NAPEPLD: variants seen among roughly 807,000 people sequenced by gnomAD.
The protein encoded by NAPEPLD is N-acyl-phosphatidylethanolamine-hydrolyzing phospholipase D.
Under a neutral mutation model 38.1 loss-of-function variants are expected in NAPEPLD, and 23 were observed. The observed-to-expected ratio is 0.60, with a 90% CI of 0.43 to 0.86. The LOEUF (loss-of-function observed/expected upper bound fraction) is 0.86, where lower values mean the gene tolerates loss of function less well. Ranked by LOEUF, NAPEPLD falls within the 40% of genes least tolerant of loss-of-function variation. The pLI, the probability that NAPEPLD is intolerant of heterozygous loss-of-function variation, is 0.00. For synonymous variants in NAPEPLD, 147 were observed against 162.0 expected (o/e 0.91, Z 0.71); for missense variants, 411 against 476.8 (o/e 0.86, Z 1.28).
At chr7:103,138,258 A>G (rs1249230329) in intron 1 of NAPEPLD, among the ~76,000 whole-genome samples, 1 of 144,032 alleles carries the variant, frequency 6.9e-6, no homozygotes, top group African/African-American at 2.5e-5. Flanking sequence ...AAAGCTTCCA[A>G]AATGGGACTA....
At chr7:103,149,596 C>A, upstream of NAPEPLD, 1 of 831,062 alleles carries the variant, frequency 1.2e-6, no homozygotes, top group South Asian at 1.7e-5. Flanking sequence ...GATGGCCGCC[C>A]CTGTGGGCCG....
chr7:103,103,205 T>C lies in NAPEPLD; in HGVS notation c.*224A>G. ...CATGATATGAAATTTAAAATCCACA[T>C]TAGCCAATTCATTATTTAAATGACC... On this transcript the variant is annotated 3_prime_UTR_variant, in exon 5 of 5. Transcript: ENST00000465647. 5.8e-6 allele frequency: 2 copies of C among 342,978 alleles called. No homozygotes were observed. The highest frequency in any genetic ancestry group is 1.0e-5 in the Non-Finnish European group (2 of 192,066). 21.2% of individuals were successfully genotyped at this position (342,978 alleles called of 1,614,324 possible).
intron 1 of NAPEPLD, chr7:103,148,099 A>G: frequency 1.0e-6 from 1 of 984,626 alleles, no homozygotes; most frequent in Non-Finnish European, 1.2e-6. Flanking sequence ...TTCATAACCA[A>G]TGTAACTGAA....
At chr7:103,122,651 G>A (rs1283501755) in intron 2 of NAPEPLD, among the ~76,000 whole-genome samples, 1 of 152,122 alleles carries the variant, frequency 6.6e-6, no homozygotes, top group East Asian at 1.9e-4. Flanking sequence ...ATAGAATTAC[G>A]AGTGGCTGGG....
chr7:103,103,559 C>A lies in NAPEPLD; in HGVS notation c.1057-5G>T. On this transcript the variant is annotated splice_polypyrimidine_tract_variant and splice_region_variant and intron_variant, in intron 4 of 4. Transcript: ENST00000465647. ...CACTGGAGGCTCTAAGTAATGCTGG[C>A]CAAAGAGAAAGAAGAAAAATAGAAA... 2 of 1,565,016 alleles carry A rather than the reference C, an allele frequency of 1.3e-6. No homozygotes were observed. Among genetic ancestry groups the A allele is most frequent in the South Asian group, 1.2e-5 (1 of 80,564 alleles).
intron 1 of NAPEPLD, among the ~76,000 whole-genome samples, chr7:103,130,591 T>C (rs1364941482): frequency 2.0e-5 from 3 of 152,048 alleles, no homozygotes; most frequent in South Asian, 2.1e-4. Flanking sequence ...TACATCTAAA[T>C]TGTTTATTTT....
intron 1 of NAPEPLD, among the ~76,000 whole-genome samples, chr7:103,138,571 C>T (rs1217679428): frequency 1.3e-5 from 2 of 151,278 alleles, no homozygotes; most frequent in South Asian, 2.1e-4. Flanking sequence ...CAGGTTCAAA[C>T]GATTCTCCTG....
chr7:103,116,059 T>A (rs1320240744), intron 3 of NAPEPLD, among the ~76,000 whole-genome samples: 1 of 24,090 alleles, frequency 4.2e-5, no homozygotes, highest in African/African-American at 4.5e-5. Context: ...GTTTTTTCTT[T>A]TTTTCTTTTT....
chr7:103,135,631 A>C (rs1041028250), intron 1 of NAPEPLD, among the ~76,000 whole-genome samples: 1 of 152,212 alleles, frequency 6.6e-6, no homozygotes, highest in Non-Finnish European at 1.5e-5. Flanking sequence ...AACAAAGCAA[A>C]CAGAAGCTTA....
chr7:103,112,768 T>C (rs1409244918), intron 4 of NAPEPLD, among the ~76,000 whole-genome samples: 1 of 151,104 alleles, frequency 6.6e-6, no homozygotes, highest in Non-Finnish European at 1.5e-5. Context: ...AAAAAAGAAG[T>C]AAAGGGTAAC....
intron 4 of NAPEPLD, among the ~76,000 whole-genome samples, chr7:103,105,145 G>T (rs1180196294): frequency 6.6e-6 from 1 of 152,148 alleles, no homozygotes; most frequent in Non-Finnish European, 1.5e-5. Flanking sequence ...GGTCTGAAAG[G>T]CTTCTGAGTG....
chr7:103,149,239 G>A, upstream of NAPEPLD: 1 of 995,818 alleles, frequency 1.0e-6, no homozygotes, highest in Non-Finnish European at 1.2e-6. Flanking sequence ...CGGGCGCGCG[G>A]CCAGAGCGGC....
chr7:103,108,256 C>T (rs922444735), intron 4 of NAPEPLD, among the ~76,000 whole-genome samples: 2 of 151,822 alleles, frequency 1.3e-5, no homozygotes, highest in Admixed American at 1.3e-4. Flanking sequence ...AGTTTTCCAG[C>T]CTCAGCCTCC....
intron 1 of NAPEPLD, among the ~76,000 whole-genome samples, chr7:103,144,369 C>G (rs919957184): frequency 6.6e-6 from 1 of 152,180 alleles, no homozygotes; most frequent in Admixed American, 6.5e-5. Context: ...TCAATAAATA[C>G]TAGTTCTCTT....
chr7:103,108,199 G>A (rs2129526919), intron 4 of NAPEPLD, among the ~76,000 whole-genome samples: 1 of 147,042 alleles, frequency 6.8e-6, no homozygotes, highest in East Asian at 2.0e-4. Flanking sequence ...TTGGAGTGCA[G>A]TGGTGCAGTC....
At chr7:103,147,728 T>C (rs1812863781) in intron 1 of NAPEPLD, among the ~76,000 whole-genome samples, 1 of 152,232 alleles carries the variant, frequency 6.6e-6, no homozygotes, top group Non-Finnish European at 1.5e-5. Context: ...TAGAATTTTG[T>C]AACATAGAAT....
At position 103,120,064 on chromosome 7, in the gene NAPEPLD, A is replaced by C. The variant is rs12540583; in HGVS notation, c.454T>G (p.Ser152Ala). 188,131 of 1,614,080 alleles carry C rather than the reference A, an allele frequency of 0.12. 12,718 individuals carry two copies. The highest frequency in any genetic ancestry group is 0.3 in the East Asian group (13,554 of 44,868). The change falls in exon 3 of 5, where the codon TCT becomes GCT. Residue 152 changes from serine to alanine, a missense_variant. Ser to Ala is a moderately conservative substitution (Grantham distance 99). Transcript: ENST00000465647. ...ATGTACTGCGATGGTGAAGCACGAG[A>C]GCTAAAGATGGGATCCGTGAGAAAT... ...LIFLTDPIFSSRASPSQYMGP... is the reference protein window; with the variant it reads ...LIFLTDPIFSARASPSQYMGP...
intron 1 of NAPEPLD, among the ~76,000 whole-genome samples, chr7:103,145,852 T>C (rs1317732818): frequency 6.6e-6 from 1 of 151,152 alleles, no homozygotes; most frequent in Non-Finnish European, 1.5e-5. Flanking sequence ...CATTTTACTT[T>C]ATGTGGGGTA....
At chr7:103,149,864 ATACT>A (rs998236676), upstream of NAPEPLD, among the ~76,000 whole-genome samples, 1 of 152,214 alleles carries the variant, frequency 6.6e-6, no homozygotes, top group African/African-American at 2.4e-5. Context: ...AAGCATTTGA[ATACT>A]TACAGCCTAT....
Sources: gnomAD v4.1 joint callset for allele counts (sites outside exome capture counted in the v4.1 genomes callset) on GRCh38, gnomAD v4.1.1 for gene constraint, MANE v1.5 for transcripts, NCBI Gene and HGNC (gene_info 2026-07-23, HGNC 2026-07-21) for gene names.